MAPK8: variants seen among roughly 807,000 people sequenced by gnomAD.
The protein encoded by MAPK8 is mitogen-activated protein kinase 8.
In MAPK8, 13 loss-of-function variants were observed where a neutral mutation model predicts 52.9. The observed-to-expected ratio is 0.25, with a 90% CI of 0.16 to 0.39. The LOEUF is 0.39. MAPK8 is among the 10% of genes least tolerant of loss of function. MAPK8 has a pLI of 1.00. For missense variants in MAPK8, 300 were observed against 519.2 expected, an observed-to-expected ratio of 0.58 and a Z score of 4.10; for synonymous variants, 191 against 169.8, an observed-to-expected ratio of 1.12 and a Z score of -0.97.
intron 5 of MAPK8, among the ~76,000 whole-genome samples, chr10:48,418,415 T>A (rs1326150660): frequency 2.0e-5 from 3 of 152,182 alleles, no homozygotes; most frequent in Admixed American, 2.0e-4. Flanking sequence ...TTGCTGAATG[T>A]GTGGTGCAGA....
At chr10:48,403,872 CGGAGTAGCTG>C (rs950742708) in intron 2 of MAPK8, among the ~76,000 whole-genome samples, 1 of 150,316 alleles carries the variant, frequency 6.7e-6, no homozygotes, top group African/African-American at 2.5e-5. Context: ...CCTCAGCCTC[CGGAGTAGCTG>C]GGGCTACAGG....
At chr10:48,379,525 T>A (rs1475377630) in intron 1 of MAPK8, among the ~76,000 whole-genome samples, 2 of 152,028 alleles carry the variant, frequency 1.3e-5, no homozygotes, top group Non-Finnish European at 2.9e-5. Flanking sequence ...CTGGAGAAAA[T>A]CAGGTAAAGA....
chr10:48,437,910 TA>T lies in MAPK8; in HGVS notation c.*2885del, dbSNP rs1351868493. ...TCTATGCTAATCCTGCTGTGTTGTC[TA>T]AAAGATGGAGGGAAGAGGACATCAG... On this transcript the variant is annotated 3_prime_UTR_variant, in exon 12 of 12. Coordinates refer to ENST00000374189, the MANE Select transcript of MAPK8 (RefSeq NM_001323329.2). 2 of 152,202 alleles carry T rather than the reference TA, an allele frequency of 1.3e-5. No homozygotes were observed. Among genetic ancestry groups the T allele is most frequent in the African/African-American group, 4.8e-5 (2 of 41,452 alleles). The allele number at this position is 152,202 out of a possible 1,614,324, so 9.4% of individuals were successfully genotyped here. A position where few individuals can be genotyped will look rare whatever the true frequency, so the allele number is the denominator to read the frequency against.
intron 1 of MAPK8, among the ~76,000 whole-genome samples, chr10:48,382,847 G>T (rs1418571728): frequency 6.9e-6 from 1 of 144,764 alleles, no homozygotes; most frequent in Non-Finnish European, 1.5e-5. Context: ...ATATACAGCT[G>T]TGTGTATATA....
chr10:48,371,687 C>T (rs749228570), intron 1 of MAPK8, among the ~76,000 whole-genome samples: 5 of 152,012 alleles, frequency 3.3e-5, no homozygotes, highest in African/African-American at 4.8e-5. Flanking sequence ...CATTGTCTTC[C>T]GGAAAACAGC....
At chr10:48,402,287 T>C (rs1296238304) in intron 2 of MAPK8, among the ~76,000 whole-genome samples, 1 of 152,192 alleles carries the variant, frequency 6.6e-6, no homozygotes, top group Non-Finnish European at 1.5e-5. Context: ...AAAGAATAAG[T>C]GGCATGCTTG....
Position 48,404,885 on chromosome 10 carries a change from T to C in MAPK8, c.156T>C (p.Val52=). The change falls in exon 3 of 12, where the codon GTT becomes GTC. Residue 52 remains valine, a synonymous_variant. Transcript: ENST00000374189. ...ATGATGCCATTCTTGAAAGAAATGTTGCAATCAAGAAGCTAAGCCGACCAT... is the reference window on the plus strand; with the variant it reads ...ATGATGCCATTCTTGAAAGAAATGTCGCAATCAAGAAGCTAAGCCGACCAT... ...AAYDAILERN[V]AIKKLSRPFQ... 6.2e-7 allele frequency: 1 copy of C among 1,609,500 alleles called. No individual in the cohort carries two copies. Among genetic ancestry groups the C allele is most frequent in the East Asian group, 2.2e-5 (1 of 44,726 alleles).
Position 48,427,127 on chromosome 10 carries a change from A to C in MAPK8, c.1044A>C (p.Thr348=), listed in dbSNP as rs55859048. The change falls in exon 10 of 12, where the codon ACA becomes ACC. Residue 348 remains threonine (T), a synonymous_variant. Coordinates refer to ENST00000374189, the MANE Select transcript of MAPK8 (RefSeq NM_001323329.2). ...PDKQLDEREH[T]IEEWKELIYK... is the part of the protein sequence containing the mutation. ...AGCAGTTAGATGAAAGGGAACACAC[A>C]ATAGAAGAGTGGAAAGGTACATTCG... 1.2e-5 allele frequency: 20 copies of C among 1,612,806 alleles called. No homozygotes were observed. In the East Asian group the frequency reaches 2.9e-4, roughly 23 times the overall value.
intron 5 of MAPK8, among the ~76,000 whole-genome samples, chr10:48,415,824 A>G (rs530411679): frequency 6.6e-6 from 1 of 152,350 alleles, no homozygotes; most frequent in South Asian, 2.1e-4. Flanking sequence ...GAAGAATGGC[A>G]CAAGCACAGT....
At chr10:48,419,915 A>G (rs974256836) in intron 5 of MAPK8, among the ~76,000 whole-genome samples, 1 of 152,220 alleles carries the variant, frequency 6.6e-6, no homozygotes, top group Non-Finnish European at 1.5e-5. Context: ...GCTAATCATA[A>G]TTTCTAGCAA....
chr10:48,328,370 CT>C (rs974432315), intron 1 of MAPK8, among the ~76,000 whole-genome samples: 1 of 139,658 alleles, frequency 7.2e-6, no homozygotes, highest in African/African-American at 2.7e-5. Flanking sequence ...TTTTTTTCTT[CT>C]GCTCACTTTA....
In MAPK8 at chr10:48,435,321, T is replaced by C. The variant is rs1043205577; in HGVS notation, c.*292T>C. The C allele has an allele frequency of 3.7e-6, 1 of 273,760 alleles. No individual in the cohort carries two copies. The highest frequency in any genetic ancestry group is 2.2e-5 in the African/African-American group (1 of 45,810). 17.0% of individuals were successfully genotyped at this position (273,760 alleles called of 1,614,324 possible). A position where few individuals can be genotyped will look rare whatever the true frequency, so the allele number is the denominator to read the frequency against. ...AATTTTTTGCATATTTGCTTTATCTTATGCTGCTGATTTTTTTAACTGAAT... is the reference window on the plus strand; with the variant it reads ...AATTTTTTGCATATTTGCTTTATCTCATGCTGCTGATTTTTTTAACTGAAT... On this transcript the variant is annotated 3_prime_UTR_variant, in exon 12 of 12. Coordinates refer to ENST00000374189, the MANE Select transcript of MAPK8 (RefSeq NM_001323329.2).
intron 1 of MAPK8, among the ~76,000 whole-genome samples, chr10:48,346,001 A>G (rs1048027914): frequency 1.3e-5 from 2 of 152,198 alleles, no homozygotes; most frequent in African/African-American, 2.4e-5. Context: ...TCCTCACTCC[A>G]TAGTGGCAGC....
chr10:48,319,824 C>T (rs1218827209), intron 1 of MAPK8, among the ~76,000 whole-genome samples: 1 of 151,994 alleles, frequency 6.6e-6, no homozygotes. Flanking sequence ...TGGAATCATA[C>T]ACTGTGCGAT....
At chr10:48,366,535 A>G (rs1848058256) in intron 1 of MAPK8, among the ~76,000 whole-genome samples, 1 of 152,246 alleles carries the variant, frequency 6.6e-6, no homozygotes, top group Admixed American at 6.5e-5. Context: ...AAGTTAGGTT[A>G]TAACTTGTTT....
At chr10:48,331,983 A>T (rs999247860) in intron 1 of MAPK8, among the ~76,000 whole-genome samples, 1 of 152,066 alleles carries the variant, frequency 6.6e-6, no homozygotes, top group African/African-American at 2.4e-5. Context: ...AGGAAGGGGG[A>T]TGCCAAGGGG....
At chr10:48,345,866 A>G (rs1845720642) in intron 1 of MAPK8, among the ~76,000 whole-genome samples, 1 of 152,222 alleles carries the variant, frequency 6.6e-6, no homozygotes, top group African/African-American at 2.4e-5. Flanking sequence ...GGGGACCAGG[A>G]AAAGGGTAGC....
At chr10:48,433,647 A>G (rs2044565115) in intron 11 of MAPK8, among the ~76,000 whole-genome samples, 1 of 152,144 alleles carries the variant, frequency 6.6e-6, no homozygotes, top group South Asian at 2.1e-4. Flanking sequence ...TCTGTATCCC[A>G]GTCCCCTCCC....
At chr10:48,403,959 A>C (rs867183735) in intron 2 of MAPK8, among the ~76,000 whole-genome samples, 1 of 60,926 alleles carries the variant, frequency 1.6e-5, no homozygotes, top group African/African-American at 7.1e-5. Context: ...GTGTGTGTGT[A>C]TTTTTAGTAG....
Sources: gnomAD v4.1 joint callset for allele counts (sites outside exome capture counted in the v4.1 genomes callset) on GRCh38, gnomAD v4.1.1 for gene constraint, MANE v1.5 for transcripts, NCBI Gene and HGNC (gene_info 2026-07-23, HGNC 2026-07-21) for gene names.